Variants in LRRIQ1 observed in about 807,000 individuals in gnomAD.
LRRIQ1 encodes leucine rich repeats and IQ motif containing 1, also known as leucine-rich repeat- and IQ domain-containing protein 1.
In LRRIQ1, 210 loss-of-function variants were observed where a neutral mutation model predicts 211.9. The ratio of observed to expected loss-of-function variants is 0.99; its 90% CI spans 0.89 to 1.11. The LOEUF (loss-of-function observed/expected upper bound fraction) is 1.11. Among genes scored for constraint, LRRIQ1 ranks in the 50% most tolerant of loss-of-function variants. The pLI is 0.00. For synonymous variants in LRRIQ1, 699 were observed against 650.1 expected, an observed-to-expected ratio of 1.08 and a Z score of -1.14; for missense variants, 2,136 against 1,939.5, an observed-to-expected ratio of 1.10 and a Z score of -1.90.
At chr12:85,217,776 C>G (rs1178313077) in intron 24 of LRRIQ1, among the ~76,000 whole-genome samples, 41 of 108,196 alleles carry the variant, frequency 3.8e-4, no homozygotes, top group African/African-American at 3.8e-3. Flanking sequence ...GTGTGTGTCT[C>G]TCTCTATATA....
chr12:85,122,017 T>G (rs1888023303), intron 16 of LRRIQ1, 141 bp downstream of exon 16: 2 of 544,124 alleles, frequency 3.7e-6, no homozygotes, highest in Non-Finnish European at 2.8e-6. Flanking sequence ...CTTTAAAAAC[T>G]TTGGACATCA....
Position 85,066,800 on chromosome 12 carries a change from T to A in LRRIQ1, c.2597T>A (p.Val866Asp). The change falls in exon 10 of 27, where the codon GTT becomes GAT. Residue 866 changes from valine (V) to aspartate (D), a missense_variant. Physicochemically the swap from Val to Asp is radical, Grantham distance 152 (BLOSUM62 -3). Transcript: ENST00000393217. Reference sequence around the variant, plus strand: ...GAAAATTTGGAAAATCTCTGTGTTGTTCTTCTTAATAAAAATCAACTGACT... The same window carrying A: ...GAAAATTTGGAAAATCTCTGTGTTGATCTTCTTAATAAAAATCAACTGACT... Reference protein sequence around the residue: ...ECENLENLCVVLLNKNQLTSL... With the variant: ...ECENLENLCVDLLNKNQLTSL... 6.2e-7 allele frequency: 1 copy of A among 1,600,728 alleles called. No individual in the cohort carries two copies. Among genetic ancestry groups the A allele is most frequent in the Non-Finnish European group, 8.5e-7 (1 of 1,173,138 alleles).
intron 24 of LRRIQ1, among the ~76,000 whole-genome samples, chr12:85,207,546 C>A (rs192783812): frequency 1.2e-4 from 19 of 152,300 alleles, no homozygotes; most frequent in African/African-American, 3.8e-4. Context: ...AATTATCAAT[C>A]ATTTTTTTCA....
intron 19 of LRRIQ1, among the ~76,000 whole-genome samples, chr12:85,138,804 CTTTAT>C (rs1889325987): frequency 1.3e-5 from 2 of 151,604 alleles, no homozygotes; most frequent in Admixed American, 6.6e-5. Flanking sequence ...ACAAATTTCT[CTTTAT>C]TTTCTTTCAT....
rs146976370 is a variant in LRRIQ1 at position 85,056,390 on chromosome 12, G to C, written c.1597G>C (p.Asp533His). The C allele has an allele frequency of 2.3e-4, 359 of 1,588,600 alleles. No homozygotes were observed. In the African/African-American group the frequency reaches 3.9e-3, roughly 17 times the overall value. ...EQFPLQELKS[D>H]AQKEEKIMKH... ...GTTTCCATTGCAAGAATTAAAGTCT[G>C]ATGCACAAAAAGAAGAAAAAATCAT... The change falls in exon 8 of 27, where the codon GAT becomes CAT. Residue 533 changes from aspartate (D) to histidine (H), a missense_variant. Coordinates refer to ENST00000393217, the MANE Select transcript of LRRIQ1 (RefSeq NM_001079910.2).
chr12:85,259,894 A>G (rs1896234598), intron 1 of LRRIQ1, among the ~76,000 whole-genome samples: 1 of 152,088 alleles, frequency 6.6e-6, no homozygotes, highest in Admixed American at 6.6e-5. Context: ...CAAATACAAC[A>G]TAATAATATT....
At chr12:85,098,161 T>C (rs1442629418) in intron 11 of LRRIQ1, among the ~76,000 whole-genome samples, 194 bp from the exon 12 acceptor site, 2 of 152,148 alleles carry the variant, frequency 1.3e-5, no homozygotes, top group Non-Finnish European at 2.9e-5. Flanking sequence ...CAAAAATATG[T>C]CACCCAGATG....
chr12:85,249,878 T>C (rs1472890683), downstream of LRRIQ1, among the ~76,000 whole-genome samples: 1 of 151,960 alleles, frequency 6.6e-6, no homozygotes, highest in African/African-American at 2.4e-5. Context: ...GACATGAAGA[T>C]GGAATTTTCA....
chr12:85,217,582 G>A (rs1592984973), intron 24 of LRRIQ1, among the ~76,000 whole-genome samples: 1 of 119,124 alleles, frequency 8.4e-6, no homozygotes, highest in Admixed American at 9.3e-5. Flanking sequence ...GTATACATAT[G>A]TATATATATA....
chr12:85,199,035 C>G (rs964580874), intron 24 of LRRIQ1, among the ~76,000 whole-genome samples: 1 of 152,040 alleles, frequency 6.6e-6, no homozygotes, highest in African/African-American at 2.4e-5. Flanking sequence ...GCACAGTTGG[C>G]AAGTATTTTC....
chr12:85,227,753 G>C (rs577049564), intron 24 of LRRIQ1, among the ~76,000 whole-genome samples: 1 of 152,118 alleles, frequency 6.6e-6, no homozygotes, highest in Admixed American at 6.6e-5. Context: ...GAGGCATCAC[G>C]CTACCTGACT....
intron 11 of LRRIQ1, among the ~76,000 whole-genome samples, chr12:85,085,718 C>T (rs574879642): frequency 6.6e-6 from 1 of 152,252 alleles, no homozygotes; most frequent in East Asian, 1.9e-4. Context: ...TGTTAATTTG[C>T]TTAGGATAAT....
intron 19 of LRRIQ1, among the ~76,000 whole-genome samples, chr12:85,141,561 T>A (rs1889534653): frequency 6.8e-6 from 1 of 147,972 alleles, no homozygotes; most frequent in African/African-American, 2.5e-5. Flanking sequence ...TCCTTTGATA[T>A]TTTTATACCT....
intron 24 of LRRIQ1, among the ~76,000 whole-genome samples, chr12:85,192,698 AGT>A (rs1474696577): frequency 3.1e-5 from 3 of 98,168 alleles, no homozygotes; most frequent in African/African-American, 9.8e-5. Flanking sequence ...ATAAATATAT[AGT>A]TATATACTAT....
intron 16 of LRRIQ1, among the ~76,000 whole-genome samples, chr12:85,123,297 GA>G (rs1389774915): frequency 6.6e-6 from 1 of 151,244 alleles, no homozygotes; most frequent in African/African-American, 2.4e-5. Context: ...TATTTTTTCA[GA>G]AAAAAATTAG....
chr12:85,168,436 A>T (rs1891256360), intron 24 of LRRIQ1, among the ~76,000 whole-genome samples: 1 of 152,148 alleles, frequency 6.6e-6, no homozygotes, highest in South Asian at 2.1e-4. Context: ...AGGTAGGAGG[A>T]GCACAAAGTA....
At chr12:85,167,537 T>A (rs958886093) in intron 24 of LRRIQ1, among the ~76,000 whole-genome samples, 12 of 152,112 alleles carry the variant, frequency 7.9e-5, no homozygotes, top group African/African-American at 2.9e-4. Flanking sequence ...GCAGGAAGCA[T>A]TCAGCATGGG....
chr12:85,118,920 C>T (rs1454791149), intron 15 of LRRIQ1, among the ~76,000 whole-genome samples: 1 of 151,896 alleles, frequency 6.6e-6, no homozygotes, highest in East Asian at 1.9e-4. Flanking sequence ...TACAGAGTTC[C>T]CACATACCTC....
rs1196079321 is a variant in LRRIQ1 at position 85,046,119 on chromosome 12, G to A, written c.436G>A (p.Asp146Asn). The A allele has an allele frequency of 3.1e-6, 5 of 1,600,698 alleles. No individual in the cohort carries two copies. Among genetic ancestry groups the A allele is most frequent in the Non-Finnish European group, 4.3e-6 (5 of 1,170,530 alleles). ...GCCTAGTCCTCATGACTTGCCTATG[G>A]ATGAACATGTTTTACCAGGTGGACT... ...PEPSPHDLPM[D>N]EHVLPDDADI... Residue 146 changes from aspartate to asparagine, a missense_variant, in exon 5 of 27, where the codon GAT becomes AAT. Physicochemically the swap from Asp to Asn is conservative, Grantham distance 23. Transcript: ENST00000393217.
Sources: gnomAD v4.1 joint callset for allele counts (sites outside exome capture counted in the v4.1 genomes callset) on GRCh38, gnomAD v4.1.1 for gene constraint, MANE v1.5 for transcripts, NCBI Gene and HGNC (gene_info 2026-07-23, HGNC 2026-07-21) for gene names.